Variants in OR52A5 observed in about 807,000 individuals in gnomAD.
The protein encoded by OR52A5 is olfactory receptor 52A5.
In OR52A5, 16 loss-of-function variants were observed where a neutral mutation model predicts 18.2. The observed-to-expected ratio is 0.88, with a 90% CI of 0.60 to 1.34. The LOEUF is 1.34. Among genes scored for constraint, OR52A5 ranks in the 40% most tolerant of loss-of-function variants. The pLI is 0.00. For synonymous variants in OR52A5, 140 were observed against 137.2 expected (o/e 1.02, Z -0.14); for missense variants, 418 against 383.0 (o/e 1.09, Z -0.76).
intron 1 of OR52A5, 118 bp from the exon 2 acceptor site, chr11:5,132,820 C>G: frequency 2.2e-6 from 1 of 464,248 alleles, no homozygotes; most frequent in Non-Finnish European, 3.7e-6. Flanking sequence ...AATTTTCTGT[C>G]TCCTTTACCA....
At chr11:5,136,814 T>G (rs1360799920) in intron 1 of OR52A5, among the ~76,000 whole-genome samples, 1 of 152,216 alleles carries the variant, frequency 6.6e-6, no homozygotes, top group African/African-American at 2.4e-5. Context: ...AATTCATTCA[T>G]AAACAGAAAT....
At chr11:5,137,916 C>T (rs1846406881) in intron 1 of OR52A5, among the ~76,000 whole-genome samples, 1 of 152,178 alleles carries the variant, frequency 6.6e-6, no homozygotes, top group Non-Finnish European at 1.5e-5. Flanking sequence ...AAGACTTTAT[C>T]CTTCTCATCC....
chr11:5,131,746 G>C lies in OR52A5; in HGVS notation c.897C>G (p.Thr299=). The change falls in exon 2 of 2, where the codon ACC becomes ACG. Residue 299 remains threonine (T), a synonymous_variant. Coordinates refer to ENST00000307388, the MANE Select transcript of OR52A5 (RefSeq NM_001005160.3). ...TCACAATATGGTCACGAATTTGCTT[G>C]GTCTTCACTCCATAGACAATAGGGT... ...FLNPIVYGVK[T]KQIRDHIVKV... is the part of the protein sequence containing the mutation. 1 of 1,613,786 alleles carries C rather than the reference G, an allele frequency of 6.2e-7. No individual in the cohort carries two copies. Among genetic ancestry groups the C allele is most frequent in the Non-Finnish European group, 8.5e-7 (1 of 1,179,882 alleles).
rs896205889 is a variant in OR52A5 at position 5,129,223 on chromosome 11, C to T, written c.*2469G>A. On this transcript the variant is annotated 3_prime_UTR_variant, in exon 2 of 2. Coordinates refer to ENST00000307388, the MANE Select transcript of OR52A5 (RefSeq NM_001005160.3). ...CTCAGAGTATGTACACCTTGGCCTA[C>T]ATGTTTAAGGTGTGTTTTAGCCTGG... 4 of 152,118 alleles carry T rather than the reference C, an allele frequency of 2.6e-5. No homozygotes were observed. Among genetic ancestry groups the T allele is most frequent in the African/African-American group, 9.7e-5 (4 of 41,410 alleles). 9.4% of individuals were successfully genotyped at this position (152,118 alleles called of 1,614,324 possible). A position where few individuals can be genotyped will look rare whatever the true frequency, so the allele number is the denominator to read the frequency against.
chr11:5,132,749 T>C, intron 1 of OR52A5, 47 bp from the exon 2 acceptor site: 1 of 661,420 alleles, frequency 1.5e-6, no homozygotes, highest in Non-Finnish European at 2.5e-6. Context: ...TTTAGGAAAA[T>C]ATACTGTAGT....
intron 1 of OR52A5, among the ~76,000 whole-genome samples, chr11:5,137,205 T>C (rs1056573640): frequency 2.6e-5 from 4 of 152,218 alleles, no homozygotes; most frequent in African/African-American, 9.6e-5. Flanking sequence ...TGCACAAATA[T>C]GCATATGTTT....
At chr11:5,133,013 A>AG (rs1846357030) in intron 1 of OR52A5, among the ~76,000 whole-genome samples, 1 of 152,150 alleles carries the variant, frequency 6.6e-6, no homozygotes, top group African/African-American at 2.4e-5. Flanking sequence ...TGTAAAAAAA[A>AG]AATATTATTT....
Position 5,132,097 on chromosome 11 carries a change from A to T in OR52A5, c.546T>A (p.Cys182Ter). Residue 182 changes from cysteine to a stop codon, truncating the protein, a stop_gained, in exon 2 of 2, where the codon TGT (cysteine) becomes TGA (stop). Transcript: ENST00000307388. LOFTEE classifies it high-confidence loss of function. The part of the protein sequence containing the change: ...YRTTVISHSY[C>*]EHMAIVKLAT... ...CCAGCTTCACGATGGCCATGTGCTC[A>T]CAGTAAGAGTGAGAGATGACTGTAG... 6.2e-7 allele frequency: 1 copy of T among 1,614,212 alleles called. No homozygotes were observed. The highest frequency in any genetic ancestry group is 8.5e-7 in the Non-Finnish European group (1 of 1,180,044).
In OR52A5 at chr11:5,132,571, T is replaced by G; in HGVS notation, c.72A>C (p.Ser24=). 6.2e-7 allele frequency: 1 copy of G among 1,614,018 alleles called. No individual in the cohort carries two copies. The highest frequency in any genetic ancestry group is 8.5e-7 in the Non-Finnish European group (1 of 1,179,932). The change falls in exon 2 of 2, where the codon TCA becomes TCC. Residue 24 remains serine, a synonymous_variant. Coordinates refer to ENST00000307388, the MANE Select transcript of OR52A5 (RefSeq NM_001005160.3). ...AAGGAATCCCAATCCAACACTGCAC[T>G]GACTCCAGACCAGGAATCCCAATTA... ...FILIGIPGLE[S]VQCWIGIPFS...
In OR52A5 at chr11:5,131,965, G is replaced by A. The variant is rs1268633236; in HGVS notation, c.678C>T (p.Ile226=). 9 of 1,614,054 alleles carry A rather than the reference G, an allele frequency of 5.6e-6. No homozygotes were observed. The highest frequency in any genetic ancestry group is 2.2e-5 in the East Asian group (1 of 44,896). The change falls in exon 2 of 2, where the codon ATC becomes ATT. Residue 226 remains isoleucine, a synonymous_variant. Transcript: ENST00000307388. The part of the protein sequence containing the change: ...FITLSYVQIF[I]TVFQLPQKEA... ...CCTTCTGGGGCAGCTGAAAGACAGTGATAAAAATTTGGACATAGGACAAGG... is the reference window on the plus strand; with the variant it reads ...CCTTCTGGGGCAGCTGAAAGACAGTAATAAAAATTTGGACATAGGACAAGG...
At position 5,131,869 on chromosome 11, in the gene OR52A5, G is replaced by A. The variant is rs1317214016; in HGVS notation, c.774C>T (p.Ala258=). 4 of 1,614,014 alleles carry A rather than the reference G, an allele frequency of 2.5e-6. No homozygotes were observed. The highest frequency in any genetic ancestry group is 2.2e-5 in the East Asian group (1 of 44,888). ...ICVFLQFYLL[A]FFSFFTHRFG... is the part of the protein sequence containing the mutation. ...ACCTGTGTGTGAAGAAAGAGAAGAAGGCAAGAAGGTAGAACTGTAGGAAGA... is the reference window on the plus strand; with the variant it reads ...ACCTGTGTGTGAAGAAAGAGAAGAAAGCAAGAAGGTAGAACTGTAGGAAGA... Residue 258 remains alanine (A), a synonymous_variant, in exon 2 of 2, where the codon GCC becomes GCT. Coordinates refer to ENST00000307388, the MANE Select transcript of OR52A5 (RefSeq NM_001005160.3).
intron 1 of OR52A5, among the ~76,000 whole-genome samples, chr11:5,136,478 A>G (rs1471939427): frequency 6.6e-6 from 1 of 152,210 alleles, no homozygotes; most frequent in East Asian, 1.9e-4. Flanking sequence ...CCTTGTAGCA[A>G]CAATAAAAAA....
rs769670808 is a variant in OR52A5 at position 5,132,429 on chromosome 11, C to T, written c.214G>A (p.Asp72Asn). The T allele has an allele frequency of 1.9e-6, 3 of 1,614,150 alleles. No homozygotes were observed. The highest frequency in any genetic ancestry group is 1.7e-6 in the Non-Finnish European group (2 of 1,179,998). Reference protein sequence around the residue: ...YIFLAMLAATDIALNTCILPK... With the variant: ...YIFLAMLAATNIALNTCILPK... ...AGAATGCAGGTGTTAAGTGCAATGT[C>T]TGTGGCTGCCAACATGGCCAAAAAA... The change falls in exon 2 of 2, where the codon GAC becomes AAC. Residue 72 changes from aspartate to asparagine, a missense_variant. Physicochemically the swap from Asp to Asn is conservative, Grantham distance 23. Coordinates refer to ENST00000307388, the MANE Select transcript of OR52A5 (RefSeq NM_001005160.3).
Position 5,132,570 on chromosome 11 carries a change from C to T in OR52A5, c.73G>A (p.Val25Met). 6.2e-7 allele frequency: 1 copy of T among 1,614,008 alleles called. No homozygotes were observed. Among genetic ancestry groups the T allele is most frequent in the Non-Finnish European group, 8.5e-7 (1 of 1,179,914 alleles). Residue 25 changes from valine to methionine, a missense_variant, in exon 2 of 2, where the codon GTG (valine) becomes ATG (methionine). Coordinates refer to ENST00000307388, the MANE Select transcript of OR52A5 (RefSeq NM_001005160.3). ...AAAGGAATCCCAATCCAACACTGCA[C>T]TGACTCCAGACCAGGAATCCCAATT... ...ILIGIPGLESVQCWIGIPFSA... is the reference protein window; with the variant it reads ...ILIGIPGLESMQCWIGIPFSA...
rs1424396799 is a variant in OR52A5, at chr11:5,131,181, T to A, written c.*511A>T. The A allele has an allele frequency of 6.5e-6, 1 of 153,150 alleles. No homozygotes were observed. The highest frequency in any genetic ancestry group is 1.5e-5 in the Non-Finnish European group (1 of 68,716). 9.5% of individuals were successfully genotyped at this position (153,150 alleles called of 1,614,324 possible). ...AAGATAGTTTCTGTACTCAAGATGC[T>A]TTCAGTGGGTAACAGAATTTGTATG... is the stretch of plus-strand genomic sequence containing the variant. On this transcript the variant is annotated 3_prime_UTR_variant, in exon 2 of 2. Transcript: ENST00000307388.
At chr11:5,135,922 C>T (rs1362013364) in intron 1 of OR52A5, among the ~76,000 whole-genome samples, 2 of 152,082 alleles carry the variant, frequency 1.3e-5, no homozygotes, top group Non-Finnish European at 2.9e-5. Context: ...ATATTTGGCT[C>T]GGAATAAATA....
chr11:5,130,622 A>G lies in OR52A5; in HGVS notation c.*1070T>C, dbSNP rs1846327641. 6.6e-6 allele frequency: 1 copy of G among 152,114 alleles called. No individual in the cohort carries two copies. Among genetic ancestry groups the G allele is most frequent in the Non-Finnish European group, 1.5e-5 (1 of 67,974 alleles). The allele number at this position is 152,114 out of a possible 1,614,324, so 9.4% of individuals were successfully genotyped here. ...ATAATGTTTACATAAACTTTATTAAAAAAATTATGACTCAAAGTCATTTCT... is the reference window on the plus strand; with the variant it reads ...ATAATGTTTACATAAACTTTATTAAGAAAATTATGACTCAAAGTCATTTCT... On this transcript the variant is annotated 3_prime_UTR_variant, in exon 2 of 2. Transcript: ENST00000307388.
At chr11:5,133,090 C>T (rs996158256) in intron 1 of OR52A5, among the ~76,000 whole-genome samples, 43 of 151,662 alleles carry the variant, frequency 2.8e-4, no homozygotes, top group East Asian at 1.9e-3. Context: ...GATCCACAGG[C>T]CGGGCACAGT....
Position 5,132,511 on chromosome 11 carries a change from A to C in OR52A5, c.132T>G (p.Asn44Lys). 2.5e-6 allele frequency: 4 copies of C among 1,614,090 alleles called. No homozygotes were observed. Among genetic ancestry groups the C allele is most frequent in the Non-Finnish European group, 3.4e-6 (4 of 1,179,962 alleles). Residue 44 changes from asparagine (N) to lysine (K), a missense_variant, in exon 2 of 2, where the codon AAT becomes AAG. Physicochemically the swap from Asn to Lys is moderately conservative, Grantham distance 94. Transcript: ENST00000307388. ...SAMYLIGVIG[N>K]SLILVIIKYE... ...ATTTGATTATAACTAAAATTAGGGA[A>C]TTTCCAATCACACCAATAAGATACA...
Sources: gnomAD v4.1 joint callset for allele counts (sites outside exome capture counted in the v4.1 genomes callset) on GRCh38, gnomAD v4.1.1 for gene constraint, MANE v1.5 for transcripts, NCBI Gene and HGNC (gene_info 2026-07-23, HGNC 2026-07-21) for gene names.